Variants in SYT14 observed in about 807,000 individuals in gnomAD.
The protein encoded by SYT14 is synaptotagmin-14.
Under a neutral mutation model 74.2 loss-of-function variants are expected in SYT14, and 32 were observed. The ratio of observed to expected loss-of-function variants is 0.43; its 90% CI spans 0.33 to 0.58. The LOEUF (loss-of-function observed/expected upper bound fraction) is 0.58. Ranked by LOEUF, SYT14 falls within the 20% of genes least tolerant of loss-of-function variation. The pLI is 0.05. For missense variants in SYT14, 791 were observed against 981.8 expected, an observed-to-expected ratio of 0.81 and a Z score of 2.60; for synonymous variants, 298 against 337.7, an observed-to-expected ratio of 0.88 and a Z score of 1.29.
At chr1:210,158,338 G>T (rs2083308726) in intron 8 of SYT14, among the ~76,000 whole-genome samples, 1 of 152,178 alleles carries the variant, frequency 6.6e-6, no homozygotes, top group African/African-American at 2.4e-5. Flanking sequence ...CACCCTGCCA[G>T]AAGACTTTCA....
chr1:210,067,293 C>G (rs568196751), intron 5 of SYT14, among the ~76,000 whole-genome samples: 2 of 151,954 alleles, frequency 1.3e-5, no homozygotes, highest in Non-Finnish European at 2.9e-5. Context: ...CCTTGCAATT[C>G]CGTATGGATT....
chr1:210,151,877 G>A (rs985098374), intron 7 of SYT14, among the ~76,000 whole-genome samples: 4 of 152,112 alleles, frequency 2.6e-5, no homozygotes, highest in African/African-American at 9.7e-5. Flanking sequence ...CCTTTCCATC[G>A]CTTTCTTTGG....
rs2083492384 is a variant in SYT14, at chr1:210,169,221, G to GTTTTGTTT, written c.*8183_*8184insGTTTTTTT. On this transcript the variant is annotated 3_prime_UTR_variant, in exon 10 of 10. Coordinates refer to ENST00000637265, the Ensembl canonical transcript of SYT14. ...CTTTTTTGGTTTTTATGTTTTTGGT[G>GTTTTGTTT]TTTTTTTTTTTTTTTTTTTTTTTTT... 162 of 50,238 alleles carry GTTTTGTTT rather than the reference G, an allele frequency of 3.2e-3. 10 individuals are homozygous for GTTTTGTTT. The highest frequency in any genetic ancestry group is 6.4e-3 in the African/African-American group (82 of 12,850). The allele number at this position is 50,238 out of a possible 1,614,324, so 3.1% of individuals were successfully genotyped here.
chr1:209,943,508 C>CAAAAAAAAAAAAAAAAAAAAAAAAA, intron 1 of SYT14, among the ~76,000 whole-genome samples: 1 of 59,328 alleles, frequency 1.7e-5, no homozygotes, highest in East Asian at 6.2e-4. Context: ...GATTCAATCT[C>CAAAAAAAAAAAAAAAAAAAAAAAAA]AAAAAAAAAA....
chr1:210,027,612 CTGT>C (rs1330531197), intron 5 of SYT14, among the ~76,000 whole-genome samples: 2 of 152,120 alleles, frequency 1.3e-5, no homozygotes, highest in East Asian at 1.9e-4. Flanking sequence ...GTTCAAACTC[CTGT>C]TGTTCAAGGG....
intron 2 of SYT14, among the ~76,000 whole-genome samples, chr1:209,985,206 G>A (rs1343285947): frequency 1.3e-5 from 2 of 152,218 alleles, no homozygotes; most frequent in African/African-American, 4.8e-5. Context: ...CTAGGAGCCT[G>A]TAAAATCAAA....
exon 10 of SYT14, chr1:210,163,523 A>T (rs769889540): frequency 2.2e-6 from 1 of 453,712 alleles, no homozygotes; most frequent in South Asian, 1.6e-5. Context: ...GTAAAGGCAA[A>T]GGTGCCCTGG....
intron 4 of SYT14, chr1:210,017,241 T>C (rs1244745584): frequency 1.9e-6 from 1 of 538,328 alleles, no homozygotes; most frequent in East Asian, 3.5e-5. Context: ...CTGGGAAACA[T>C]TTTTAAAGCC....
intron 5 of SYT14, among the ~76,000 whole-genome samples, chr1:210,025,718 C>G (rs1463549349): frequency 1.3e-5 from 2 of 152,086 alleles, no homozygotes; most frequent in Non-Finnish European, 2.9e-5. Flanking sequence ...TATTGAGTTC[C>G]TACTACGTGC....
chr1:209,996,635 C>T (rs1304272989), intron 2 of SYT14, among the ~76,000 whole-genome samples: 1 of 152,032 alleles, frequency 6.6e-6, no homozygotes, highest in African/African-American at 2.4e-5. Context: ...AATACCAAAA[C>T]CTGGCAAAGA....
intron 5 of SYT14, among the ~76,000 whole-genome samples, chr1:210,023,276 A>G (rs2080340034): frequency 6.6e-6 from 1 of 152,150 alleles, no homozygotes; most frequent in Non-Finnish European, 1.5e-5. Flanking sequence ...CAGTGAGTAT[A>G]TACGTAATAT....
At position 209,941,987 on chromosome 1, in the gene SYT14, AT is replaced by A. The variant is rs554187485; in HGVS notation, c.-534+3711del. ...TGCTATGTAAATAGTTCTTTAGGGA[AT>A]AATGACAAGAAAAAAAGTCTGTACA... On this transcript the variant is annotated intron_variant, in intron 1 of 9. Transcript: ENST00000637265. Among the ~76,000 whole-genome samples the A allele has an allele frequency of 5.3e-5, 8 of 152,344 alleles. No individual in the cohort carries two copies. In the South Asian group the frequency reaches 1.7e-3, roughly 32 times the overall value.
chr1:210,034,751 T>TTTTAC (rs1306898222), intron 5 of SYT14, among the ~76,000 whole-genome samples: 1 of 151,738 alleles, frequency 6.6e-6, no homozygotes, highest in Non-Finnish European at 1.5e-5. Flanking sequence ...TTCTGAGGTA[T>TTTTAC]TTTACTTAAG....
chr1:210,160,142 T>G (rs1310739213), intron 9 of SYT14, among the ~76,000 whole-genome samples: 2 of 152,218 alleles, frequency 1.3e-5, no homozygotes, highest in Admixed American at 1.3e-4. Flanking sequence ...TTTTTGCCCT[T>G]AAATGTTTTT....
chr1:210,109,499 A>G (rs1294106828), intron 7 of SYT14, among the ~76,000 whole-genome samples: 1 of 151,546 alleles, frequency 6.6e-6, no homozygotes, highest in African/African-American at 2.4e-5. Context: ...AATCACTTGA[A>G]CCTAGGAGGT....
At chr1:209,992,936 G>A (rs1323502360) in intron 2 of SYT14, among the ~76,000 whole-genome samples, 1 of 152,138 alleles carries the variant, frequency 6.6e-6, no homozygotes, top group African/African-American at 2.4e-5. Context: ...CTAGTTCCTG[G>A]CCCTTAAGAG....
At position 210,037,543 on chromosome 1, in the gene SYT14, T is replaced by TA. The variant is rs1487179005; in HGVS notation, c.1312+16290dup. Among the ~76,000 whole-genome samples, 2 of 142,596 alleles carry TA rather than the reference T, an allele frequency of 1.4e-5. 1 individual carries two copies. The highest frequency in any genetic ancestry group is 4.4e-4 in the South Asian group (2 of 4,532). The allele number at this position is 142,596 out of a possible 152,430, so 93.5% of individuals were successfully genotyped here. On this transcript the variant is annotated intron_variant, in intron 5 of 9. Transcript: ENST00000637265. Reference sequence around the variant, plus strand: ...GTGATTTTTCTGTTTTTTTTTTTTTTATTGTTGTTGTTGTTAATATAGGTA... The same window carrying TA: ...GTGATTTTTCTGTTTTTTTTTTTTTTAATTGTTGTTGTTGTTAATATAGGTA...
chr1:210,024,797 C>T (rs995430341), intron 5 of SYT14, among the ~76,000 whole-genome samples: 2 of 151,894 alleles, frequency 1.3e-5, no homozygotes, highest in African/African-American at 4.8e-5. Flanking sequence ...CACAAAGAAA[C>T]AGTAAGAGAT....
At chr1:210,105,915 A>C (rs2082149581) in intron 7 of SYT14, among the ~76,000 whole-genome samples, 1 of 152,168 alleles carries the variant, frequency 6.6e-6, no homozygotes, top group Non-Finnish European at 1.5e-5. Context: ...TTCTGCTGAG[A>C]GTAAAAGCTC....
Sources: allele counts gnomAD v4.1 joint callset (sites outside exome capture counted in the v4.1 genomes callset), GRCh38; gene constraint gnomAD v4.1.1; transcripts MANE v1.5; gene names NCBI Gene and HGNC (gene_info 2026-07-23, HGNC 2026-07-21).